The following NT5C3A variants were observed in gnomAD, a reference collection of about 807,000 sequenced individuals.
NT5C3A encodes cytosolic 5'-nucleotidase 3A.
A neutral mutation model predicts 40.0 loss-of-function variants in NT5C3A; 23 were observed. The ratio of observed to expected loss-of-function variants is 0.58; its 90% CI spans 0.41 to 0.81. The LOEUF (loss-of-function observed/expected upper bound fraction) is 0.81. Ranked by LOEUF, NT5C3A falls within the 40% of genes least tolerant of loss-of-function variation. The pLI, the probability that NT5C3A is intolerant of heterozygous loss-of-function variation, is 0.00. For missense variants in NT5C3A, 328 were observed against 403.0 expected, an observed-to-expected ratio of 0.81 and a Z score of 1.59; for synonymous variants, 130 against 141.4, an observed-to-expected ratio of 0.92 and a Z score of 0.57.
rs531224428 is a variant in NT5C3A at position 33,019,343 on chromosome 7, A to G, written c.530+292T>C. Among the ~76,000 whole-genome samples, 504 of 152,244 alleles carry G rather than the reference A, an allele frequency of 3.3e-3. 1 individual carries two copies. Among genetic ancestry groups the G allele is most frequent in the Non-Finnish European group, 4.5e-3 (308 of 68,008 alleles). ...TCTTTCCTAAGTATTTTGCTAAAAA[A>G]TTTTTAAATGGCCTTGGTTCAAAAA... On this transcript the variant is annotated intron_variant, in intron 6 of 8. Coordinates refer to ENST00000610140, the MANE Select transcript of NT5C3A (RefSeq NM_001002010.5).
At chr7:33,056,183 G>C (rs1419955712) in intron 1 of NT5C3A, among the ~76,000 whole-genome samples, 1 of 151,872 alleles carries the variant, frequency 6.6e-6, no homozygotes, top group African/African-American at 2.4e-5. Context: ...AACAATATGA[G>C]ACACTGTATA....
intron 1 of NT5C3A, chr7:33,036,001 A>G (rs1447484512): frequency 6.2e-7 from 1 of 1,610,080 alleles, no homozygotes. Context: ...GGATTTTCCC[A>G]GGTGATGTCA....
At chr7:33,049,554 A>G (rs1787280188) in intron 1 of NT5C3A, among the ~76,000 whole-genome samples, 2 of 152,200 alleles carry the variant, frequency 1.3e-5, no homozygotes, top group Admixed American at 1.3e-4. Context: ...ATTATGGAAC[A>G]CTAGAGTTTC....
intron 1 of NT5C3A, among the ~76,000 whole-genome samples, 153 bp downstream of exon 1, chr7:33,062,415 T>C (rs1197362663): frequency 1.3e-5 from 2 of 152,132 alleles, no homozygotes; most frequent in Non-Finnish European, 1.5e-5. Context: ...TCCCCCAAGC[T>C]GCGCGTCCCG....
rs776756604 is a variant in NT5C3A, at chr7:33,019,623, C to G, written c.530+12G>C. 15 of 1,516,640 alleles carry G rather than the reference C, an allele frequency of 9.9e-6. No homozygotes were observed. The South Asian group carries it at 1.7e-4, about 17-fold the overall frequency. The allele number at this position is 1,516,640 out of a possible 1,614,324, so 93.9% of individuals were successfully genotyped here. Reference sequence around the variant, plus strand: ...GTGAACAATAACAGCAAAAAACATCCAAGAAACTTACTTGAGCATAACGTC... The same window carrying G: ...GTGAACAATAACAGCAAAAAACATCGAAGAAACTTACTTGAGCATAACGTC... On this transcript the variant is annotated intron_variant, in intron 6 of 8. Coordinates refer to ENST00000610140, the MANE Select transcript of NT5C3A (RefSeq NM_001002010.5).
Position 33,045,512 on chromosome 7 carries a change from T to G in NT5C3A, c.138+17056A>C, listed in dbSNP as rs1028181945. 1.1e-4 allele frequency among the ~76,000 whole-genome samples: 17 copies of G among 151,708 alleles called. No individual in the cohort carries two copies. In the South Asian group the frequency reaches 3.5e-3, roughly 32 times the overall value. On this transcript the variant is annotated intron_variant, in intron 1 of 8. Coordinates refer to ENST00000610140, the MANE Select transcript of NT5C3A (RefSeq NM_001002010.5). ...TCTCACTCTGTCACCCAGGCTGGAG[T>G]GCAGTGGCACGATCTCGGCTCACTG...
chr7:33,014,915 T>C (rs1056696048), intron 8 of NT5C3A, 84 bp from the exon 9 acceptor site: 19 of 1,135,172 alleles, frequency 1.7e-5, no homozygotes, highest in Non-Finnish European at 2.3e-5. Flanking sequence ...GTTAGATCTC[T>C]TGGGCAAAAT....
At chr7:33,022,893 A>G (rs1314385333) in intron 3 of NT5C3A, among the ~76,000 whole-genome samples, 1 of 151,822 alleles carries the variant, frequency 6.6e-6, no homozygotes, top group Non-Finnish European at 1.5e-5. Flanking sequence ...AGGACTTAAT[A>G]GGGCAAAGGA....
At position 33,062,738 on chromosome 7, in the gene NT5C3A, A is replaced by C; in HGVS notation, c.-33T>G. 6.4e-7 allele frequency: 1 copy of C among 1,550,670 alleles called. No homozygotes were observed. Among genetic ancestry groups the C allele is most frequent in the Middle Eastern group, 1.8e-4 (1 of 5,614 alleles). On this transcript the variant is annotated 5_prime_UTR_variant, in exon 1 of 9. Transcript: ENST00000610140. ...GCCCTCATGCGCGTCCAAGCAGGAA[A>C]AAAACAGGCAGCTCGCGTAGACTGC...
At chr7:33,053,224 T>C (rs1787441743) in intron 1 of NT5C3A, among the ~76,000 whole-genome samples, 1 of 152,156 alleles carries the variant, frequency 6.6e-6, no homozygotes, top group African/African-American at 2.4e-5. Context: ...TCTTGCTCTG[T>C]TGCCCAGAGC....
chr7:33,021,189 G>A, intron 5 of NT5C3A, 83 bp downstream of exon 5: 2 of 1,571,544 alleles, frequency 1.3e-6, no homozygotes, highest in South Asian at 1.2e-5. Context: ...TTGCAATACA[G>A]GTAAAAAATA....
chr7:33,017,802 TA>T (rs1243388355), intron 6 of NT5C3A, among the ~76,000 whole-genome samples: 1 of 152,272 alleles, frequency 6.6e-6, no homozygotes, highest in African/African-American at 2.4e-5. Flanking sequence ...ACTTTCCCTT[TA>T]ATCAATTCTA....
At chr7:33,018,498 G>C (rs955200859) in intron 6 of NT5C3A, among the ~76,000 whole-genome samples, 1 of 152,118 alleles carries the variant, frequency 6.6e-6, no homozygotes, top group Admixed American at 6.5e-5. Context: ...TCATAAAAAA[G>C]TAACATCATC....
chr7:33,035,173 A>C (rs17170218), intron 1 of NT5C3A, among the ~76,000 whole-genome samples: 28 of 148,900 alleles, frequency 1.9e-4, no homozygotes, highest in African/African-American at 6.9e-4. Flanking sequence ...GGGCTATAGA[A>C]GCTAATAAGG....
At chr7:33,060,052 A>T (rs950038521) in intron 1 of NT5C3A, among the ~76,000 whole-genome samples, 8 of 152,132 alleles carry the variant, frequency 5.3e-5, no homozygotes, top group African/African-American at 2.4e-5. Flanking sequence ...CCTTGACTGA[A>T]GAGATTTCAC....
chr7:33,022,078 A>C lies in NT5C3A; in HGVS notation c.329T>G (p.Leu110Arg), dbSNP rs1367392203. 3 of 1,533,794 alleles carry C rather than the reference A, an allele frequency of 2.0e-6. No individual in the cohort carries two copies. The highest frequency in any genetic ancestry group is 2.7e-6 in the Non-Finnish European group (3 of 1,108,044). Residue 110 changes from leucine (L) to arginine (R), a missense_variant, in exon 4 of 9, where the codon CTG (leucine) becomes CGG (arginine). Transcript: ENST00000610140. ...TCHNIIDNCK[L>R]VTDECRKKLL... ...CTTTTTTCTACATTCATCTGTAACCAGCTTACAGTTGTCAATGATATCTAA... is the reference window on the plus strand; with the variant it reads ...CTTTTTTCTACATTCATCTGTAACCCGCTTACAGTTGTCAATGATATCTAA...
chr7:33,033,953 G>C (rs998990425), intron 1 of NT5C3A, among the ~76,000 whole-genome samples: 2 of 149,136 alleles, frequency 1.3e-5, no homozygotes, highest in African/African-American at 5.0e-5. Flanking sequence ...GTGCAGTGGC[G>C]CCTCTCAGCT....
intron 1 of NT5C3A, among the ~76,000 whole-genome samples, chr7:33,039,555 G>GCTTTTTT (rs1786796957): frequency 1.4e-5 from 1 of 70,018 alleles, no homozygotes; most frequent in Non-Finnish European, 2.6e-5. Flanking sequence ...TTAAGCTTGG[G>GCTTTTTT]TTTTTTGTTT....
intron 1 of NT5C3A, among the ~76,000 whole-genome samples, chr7:33,032,814 C>T (rs894523144): frequency 3.3e-5 from 5 of 152,038 alleles, no homozygotes; most frequent in Admixed American, 1.3e-4. Context: ...AGTGCAGTAG[C>T]GTGATCACAG....
Sources: gnomAD v4.1 joint callset for allele counts (sites outside exome capture counted in the v4.1 genomes callset) on GRCh38, gnomAD v4.1.1 for gene constraint, MANE v1.5 for transcripts, NCBI Gene and HGNC (gene_info 2026-07-23, HGNC 2026-07-21) for gene names.